The following DTWD1 variants were observed in gnomAD, a reference collection of about 807,000 sequenced individuals.
The protein encoded by DTWD1 is DTW motif tRNA-uridine aminocarboxypropyltransferase 1.
A neutral mutation model predicts 30.2 loss-of-function variants in DTWD1; 27 were observed. The ratio of observed to expected loss-of-function variants is 0.90; its 90% CI spans 0.66 to 1.23. DTWD1 has a LOEUF of 1.23. Ranked by LOEUF, DTWD1 falls within the 50% of genes most tolerant of loss-of-function variation. The pLI, the probability that DTWD1 is intolerant of heterozygous loss-of-function variation, is 0.00. For missense variants in DTWD1, 342 were observed against 348.8 expected, an observed-to-expected ratio of 0.98 and a Z score of 0.15; for synonymous variants, 99 against 113.1, an observed-to-expected ratio of 0.88 and a Z score of 0.79.
At chr15:49,635,006 G>T (rs1206391665) in intron 4 of DTWD1, among the ~76,000 whole-genome samples, 1 of 151,990 alleles carries the variant, frequency 6.6e-6, no homozygotes, top group Non-Finnish European at 1.5e-5. Flanking sequence ...TTCAGGCTTT[G>T]TAACACTTCA....
intron 1 of DTWD1, among the ~76,000 whole-genome samples, chr15:49,621,808 G>C (rs1447252549): frequency 6.6e-6 from 1 of 152,108 alleles, no homozygotes; most frequent in Non-Finnish European, 1.5e-5. Context: ...ATATGAAAAA[G>C]GGTACTACTA....
rs5812490 is a variant in DTWD1 at position 49,643,306 on chromosome 15, C to CTTTTT, written c.668-10_668-6dup. The stretch of plus-strand genomic sequence containing the variant: ...ATTTATATTTTTTCTTTCTTTCTTT[C>CTTTTT]TTTTTTTTTTTTTTTTTTTGACAGG... On this transcript the variant is annotated intron_variant, in intron 4 of 4. Coordinates refer to ENST00000403028, the MANE Select transcript of DTWD1 (RefSeq NM_001144955.2). The CTTTTT allele has an allele frequency of 7.4e-4, 889 of 1,201,648 alleles. 13 individuals are homozygous for CTTTTT. Among genetic ancestry groups the CTTTTT allele is most frequent in the South Asian group, 2.9e-3 (139 of 47,198 alleles). 74.4% of individuals were successfully genotyped at this position (1,201,648 alleles called of 1,614,324 possible). A position where few individuals can be genotyped will look rare whatever the true frequency, so the allele number is the denominator to read the frequency against.
At chr15:49,639,669 ATGT>A (rs2079042952) in intron 4 of DTWD1, among the ~76,000 whole-genome samples, 1 of 152,248 alleles carries the variant, frequency 6.6e-6, no homozygotes, top group Non-Finnish European at 1.5e-5. Context: ...GAAATATTTA[ATGT>A]TGTCTAGAAT....
chr15:49,625,690 C>T (rs537940347), intron 2 of DTWD1, among the ~76,000 whole-genome samples: 1 of 152,282 alleles, frequency 6.6e-6, no homozygotes, highest in Non-Finnish European at 1.5e-5. Context: ...TAATGCAGTT[C>T]CTGTCCCTGT....
chr15:49,634,602 A>G lies in DTWD1; in HGVS notation c.475A>G (p.Arg159Gly), dbSNP rs1431598609. Residue 159 changes from arginine (R) to glycine (G), a missense_variant, in exon 4 of 5, where the codon AGG becomes GGG. By Grantham distance (125) the Arg-to-Gly change is moderately radical. Transcript: ENST00000403028. ...IKDISFHLQK[R>G]IQNNVRGKND... ...AGATATTTCTTTTCATCTGCAAAAA[A>G]GGATTCAAAATAATGTTAGAGGCAA... 13 of 1,613,740 alleles carry G rather than the reference A, an allele frequency of 8.1e-6. No individual in the cohort carries two copies. Among genetic ancestry groups the G allele is most frequent in the Non-Finnish European group, 1.1e-5 (13 of 1,179,822 alleles).
rs779747493 is a variant in DTWD1, at chr15:49,652,245, A to C, written c.*8667A>C. 2.0e-5 allele frequency: 3 copies of C among 152,154 alleles called. No homozygotes were observed. The highest frequency in any genetic ancestry group is 2.9e-5 in the Non-Finnish European group (2 of 68,036). 9.4% of individuals were successfully genotyped at this position (152,154 alleles called of 1,614,324 possible). ...GAGATATATAAAAAATCTCACTGAA[A>C]AACATAAGCTGCAGCAGCTACCTGG... On this transcript the variant is annotated 3_prime_UTR_variant, in exon 5 of 5. Transcript: ENST00000403028.
chr15:49,632,359 T>G (rs999829005), intron 3 of DTWD1, 57 bp downstream of exon 3: 14 of 1,487,648 alleles, frequency 9.4e-6, no homozygotes, highest in Non-Finnish European at 1.3e-5. Context: ...AATTTTAACC[T>G]CCATTGCCTT....
At chr15:49,631,280 C>T (rs72731119) in intron 2 of DTWD1, among the ~76,000 whole-genome samples, 8,274 of 152,114 alleles carry the variant, frequency 0.054, 326 homozygotes, top group East Asian at 0.13. Context: ...AAAGATTACA[C>T]CTCTTAGGTC....
intron 3 of DTWD1, among the ~76,000 whole-genome samples, chr15:49,634,151 G>A (rs2078969107): frequency 6.6e-6 from 1 of 151,944 alleles, no homozygotes; most frequent in South Asian, 2.1e-4. Flanking sequence ...TTTTATCTTT[G>A]GCTTATGATA....
intron 4 of DTWD1, among the ~76,000 whole-genome samples, chr15:49,639,604 GT>G (rs1273614608): frequency 1.3e-5 from 2 of 152,218 alleles, no homozygotes; most frequent in East Asian, 1.9e-4. Flanking sequence ...TTATTATAAA[GT>G]TACTGATTGT....
chr15:49,639,857 A>G (rs1292330852), intron 4 of DTWD1, among the ~76,000 whole-genome samples: 2 of 152,194 alleles, frequency 1.3e-5, no homozygotes, highest in African/African-American at 2.4e-5. Context: ...AATGGAAAGA[A>G]TTGGGCTGGG....
In DTWD1 at chr15:49,643,835, A is replaced by G. The variant is rs909838760; in HGVS notation, c.*257A>G. On this transcript the variant is annotated 3_prime_UTR_variant, in exon 5 of 5. Transcript: ENST00000403028. ...CTCAGTTTCATTACTACATTTTAAT[A>G]TAGTGTGTTATGTCTCTGTGATTAG... is the stretch of plus-strand genomic sequence containing the variant. The G allele has an allele frequency of 3.3e-5, 10 of 302,768 alleles. No individual in the cohort carries two copies. Among genetic ancestry groups the G allele is most frequent in the Middle Eastern group, 1.0e-3 (1 of 982 alleles). The allele number at this position is 302,768 out of a possible 1,614,324, so 18.8% of individuals were successfully genotyped here. A position where few individuals can be genotyped will look rare whatever the true frequency, so the allele number is the denominator to read the frequency against.
intron 1 of DTWD1, chr15:49,621,339 T>C (rs1246437143): frequency 1.3e-5 from 2 of 152,004 alleles, no homozygotes; most frequent in Admixed American, 6.6e-5. Flanking sequence ...GGTTTCCAAA[T>C]TTTTCCTCAA....
chr15:49,629,118 A>G (rs1191976189), intron 2 of DTWD1, among the ~76,000 whole-genome samples: 2 of 152,104 alleles, frequency 1.3e-5, no homozygotes, highest in Non-Finnish European at 2.9e-5. Flanking sequence ...GGTCAACACT[A>G]TTTTGTTACT....
In DTWD1 at chr15:49,653,706, A is replaced by T. The variant is rs904302217; in HGVS notation, c.*10128A>T. 1 of 152,096 alleles carries T rather than the reference A, an allele frequency of 6.6e-6. No homozygotes were observed. The highest frequency in any genetic ancestry group is 2.4e-5 in the African/African-American group (1 of 41,420). 9.4% of individuals were successfully genotyped at this position (152,096 alleles called of 1,614,324 possible). A position where few individuals can be genotyped will look rare whatever the true frequency, so the allele number is the denominator to read the frequency against. On this transcript the variant is annotated 3_prime_UTR_variant, in exon 5 of 5. Coordinates refer to ENST00000403028, the MANE Select transcript of DTWD1 (RefSeq NM_001144955.2). Reference sequence around the variant, plus strand: ...GAAAATGAAACTTAATAGCTTGTAGATGTCTTAAGGAGATTTCCAGGTGAA... The same window carrying T: ...GAAAATGAAACTTAATAGCTTGTAGTTGTCTTAAGGAGATTTCCAGGTGAA...
chr15:49,636,606 G>A (rs1409040220), intron 4 of DTWD1, among the ~76,000 whole-genome samples: 1 of 152,066 alleles, frequency 6.6e-6, no homozygotes, highest in East Asian at 1.9e-4. Flanking sequence ...TTGTCTGAAT[G>A]TTTCATTGTG....
At chr15:49,625,594 C>G (rs1036155073) in intron 2 of DTWD1, 163 bp downstream of exon 2, 18 of 717,248 alleles carry the variant, frequency 2.5e-5, no homozygotes, top group Non-Finnish European at 4.0e-5. Context: ...GAAAATTTCT[C>G]AGCAGGGCAC....
intron 4 of DTWD1, among the ~76,000 whole-genome samples, chr15:49,638,007 A>G (rs973465708): frequency 3.3e-5 from 5 of 152,190 alleles, no homozygotes; most frequent in Non-Finnish European, 5.9e-5. Flanking sequence ...TTTGTTGCCG[A>G]TGTTTGATAG....
chr15:49,624,314 A>G (rs1265162133), intron 1 of DTWD1, among the ~76,000 whole-genome samples: 1 of 152,210 alleles, frequency 6.6e-6, no homozygotes. Flanking sequence ...TGGAATGCAT[A>G]TCGAATCAAT....
Sources: gnomAD v4.1 joint callset for allele counts (sites outside exome capture counted in the v4.1 genomes callset) on GRCh38, gnomAD v4.1.1 for gene constraint, MANE v1.5 for transcripts, NCBI Gene and HGNC (gene_info 2026-07-23, HGNC 2026-07-21) for gene names.